Variants in ZYG11A observed in about 807,000 individuals in gnomAD.
ZYG11A encodes protein zyg-11 homolog A.
In ZYG11A, 62 loss-of-function variants were observed where a neutral mutation model predicts 77.2. That is an observed-to-expected ratio of 0.80 (90% CI 0.65 to 0.99). ZYG11A has a LOEUF of 0.99. ZYG11A is among the 50% of genes least tolerant of loss of function. The pLI is 0.00. For missense variants in ZYG11A, 828 were observed against 896.8 expected (o/e 0.92, Z 0.98); for synonymous variants, 315 against 324.6 (o/e 0.97, Z 0.32).
intron 11 of ZYG11A, among the ~76,000 whole-genome samples, chr1:52,884,271 C>T (rs1300604395): frequency 2.6e-5 from 4 of 151,854 alleles, no homozygotes; most frequent in Non-Finnish European, 2.9e-5. Flanking sequence ...CCGAGGCGGG[C>T]AGATCATGAG....
Position 52,871,818 on chromosome 1 carries a change from C to A in ZYG11A, c.1542+4041C>A, listed in dbSNP as rs184623959. 2.4e-3 allele frequency among the ~76,000 whole-genome samples: 362 copies of A among 152,252 alleles called. 1 individual carries two copies. In the Middle Eastern group the frequency reaches 0.048, roughly 20 times the overall value. On this transcript the variant is annotated intron_variant, in intron 8 of 13. Coordinates refer to ENST00000371528, the MANE Select transcript of ZYG11A (RefSeq NM_001004339.3). The stretch of plus-strand genomic sequence containing the variant: ...GCTTGCCTGTTTCTGAGGAAAAAAA[C>A]CCATTTTCTTTGGGATTGTATTATA...
chr1:52,887,899 A>G (rs894674953), intron 13 of ZYG11A, among the ~76,000 whole-genome samples: 4 of 152,076 alleles, frequency 2.6e-5, no homozygotes, highest in African/African-American at 9.7e-5. Context: ...CTTTGTTGAG[A>G]CTTGTTATAC....
intron 8 of ZYG11A, among the ~76,000 whole-genome samples, chr1:52,870,562 C>G (rs12718419): frequency 0.47 from 71,693 of 152,092 alleles, 18,305 homozygotes; most frequent in Non-Finnish European, 0.59. Context: ...GCACCCCAGC[C>G]TGGGCACCAT....
At chr1:52,863,343 CTGTT>C (rs1265281119) in intron 4 of ZYG11A, among the ~76,000 whole-genome samples, 1 of 152,198 alleles carries the variant, frequency 6.6e-6, no homozygotes, top group Non-Finnish European at 1.5e-5. Context: ...TTCTTCTCCT[CTGTT>C]GGTGGATTTA....
chr1:52,878,013 A>G, intron 10 of ZYG11A, 44 bp downstream of exon 10: 2 of 1,492,622 alleles, frequency 1.3e-6, no homozygotes, highest in Non-Finnish European at 1.8e-6. Flanking sequence ...CTTAAAAGCA[A>G]AACCTAACAC....
intron 1 of ZYG11A, among the ~76,000 whole-genome samples, chr1:52,846,293 C>A (rs905914537): frequency 1.6e-5 from 2 of 127,532 alleles, no homozygotes; most frequent in Non-Finnish European, 3.3e-5. Flanking sequence ...TTTTGGAAAT[C>A]ATGGCTTTTT....
At chr1:52,886,445 T>C (rs1646452428) in intron 12 of ZYG11A, among the ~76,000 whole-genome samples, 1 of 152,210 alleles carries the variant, frequency 6.6e-6, no homozygotes, top group South Asian at 2.1e-4. Context: ...CAGAATGCAA[T>C]TTCTTAAATA....
At chr1:52,867,386 C>G (rs1646045590) in intron 6 of ZYG11A, among the ~76,000 whole-genome samples, 153 bp from the exon 7 acceptor site, 2 of 152,328 alleles carry the variant, frequency 1.3e-5, no homozygotes, top group East Asian at 1.9e-4. Context: ...CTGGTCTTCT[C>G]TCTGCCAAAT....
At chr1:52,869,946 T>TGGCGG in intron 8 of ZYG11A, among the ~76,000 whole-genome samples, 1 of 142,530 alleles carries the variant, frequency 7.0e-6, no homozygotes, top group South Asian at 2.4e-4. Flanking sequence ...ACAGGGTGGC[T>TGGCGG]GGCCGGGCGG....
At position 52,867,570 on chromosome 1, in the gene ZYG11A, C is replaced by G; in HGVS notation, c.1423C>G (p.Leu475Val). The G allele has an allele frequency of 6.4e-7, 1 of 1,552,134 alleles. No individual in the cohort carries two copies. Among genetic ancestry groups the G allele is most frequent in the Non-Finnish European group, 8.7e-7 (1 of 1,146,984 alleles). ...FDAAKFVMRW[L>V]CKHENPKMQT... The stretch of plus-strand genomic sequence containing the variant: ...TGCTGCCAAGTTTGTCATGAGATGG[C>G]TCTGTAAGCATGAAAACCCCAAGAT... The change falls in exon 7 of 14, where the codon CTC becomes GTC. Residue 475 changes from leucine to valine, a missense_variant. Physicochemically the swap from Leu to Val is conservative, Grantham distance 32. Coordinates refer to ENST00000371528, the MANE Select transcript of ZYG11A (RefSeq NM_001004339.3).
Position 52,892,792 on chromosome 1 carries a change from C to G in ZYG11A, c.2115C>G (p.Tyr705Ter). The G allele has an allele frequency of 6.4e-7, 1 of 1,551,516 alleles. No individual in the cohort carries two copies. The highest frequency in any genetic ancestry group is 8.7e-7 in the Non-Finnish European group (1 of 1,146,962). Reference sequence around the variant, plus strand: ...TTGATTTTCTTTCAGCCAGCAAATACTGCAAAATGTTAGTTGAAGAAGAAG... The same window carrying G: ...TTGATTTTCTTTCAGCCAGCAAATAGTGCAAAATGTTAGTTGAAGAAGAAG... ...YHVCSKNPSK[Y>*]CKMLVEEEGL... The change falls in exon 14 of 14, where the codon TAC becomes TAG. Residue 705 changes from tyrosine (Y) to a stop codon, truncating the protein, a stop_gained. Coordinates refer to ENST00000371528, the MANE Select transcript of ZYG11A (RefSeq NM_001004339.3). LOFTEE classifies it low-confidence loss of function (END_TRUNC).
rs566540822 is a variant in ZYG11A at position 52,857,663 on chromosome 1, C to T, written c.922C>T (p.Arg308Ter). 28 of 1,552,030 alleles carry T rather than the reference C, an allele frequency of 1.8e-5. No individual in the cohort carries two copies. Among genetic ancestry groups the T allele is most frequent in the Admixed American group, 5.9e-5 (3 of 50,970 alleles). The part of the protein sequence containing the change: ...ITDEAVELFI[R>*]LRPAMQFVGL... The stretch of plus-strand genomic sequence containing the variant: ...TGATGAAGCTGTAGAACTGTTTATA[C>T]GACTGCGGCCTGCCATGCAATTTGT... Residue 308 changes from arginine (R) to a stop codon, truncating the protein, a stop_gained, in exon 3 of 14, where the codon CGA becomes TGA. Transcript: ENST00000371528. LOFTEE classifies it high-confidence loss of function.
chr1:52,865,190 C>T (rs1017128373), intron 5 of ZYG11A, among the ~76,000 whole-genome samples: 3 of 152,110 alleles, frequency 2.0e-5, no homozygotes, highest in African/African-American at 4.8e-5. Flanking sequence ...GATCCACTGC[C>T]TTGGCCTCCC....
At chr1:52,884,051 TA>T (rs1239186339) in intron 11 of ZYG11A, among the ~76,000 whole-genome samples, 1 of 151,874 alleles carries the variant, frequency 6.6e-6, no homozygotes, top group Non-Finnish European at 1.5e-5. Flanking sequence ...TTTTTGTATA[TA>T]TTTTTTTAGT....
At chr1:52,875,996 A>G (rs551589180) in intron 8 of ZYG11A, among the ~76,000 whole-genome samples, 1 of 145,710 alleles carries the variant, frequency 6.9e-6, no homozygotes, top group East Asian at 2.1e-4. Flanking sequence ...TTTGCTTTAG[A>G]TTGGAGCAGA....
chr1:52,893,828 T>TG lies in ZYG11A; in HGVS notation c.*871_*872insG, dbSNP rs1312973894. ...TTTACCTTTTTTTTTTTTTTTTTTTTTGTGACGGAATCTCGCTCTGTCGCC... is the reference window on the plus strand; with the variant it reads ...TTTACCTTTTTTTTTTTTTTTTTTTTGTGTGACGGAATCTCGCTCTGTCGCC... On this transcript the variant is annotated 3_prime_UTR_variant, in exon 14 of 14. Coordinates refer to ENST00000371528, the MANE Select transcript of ZYG11A (RefSeq NM_001004339.3). The TG allele has an allele frequency of 6.9e-6, 1 of 145,502 alleles. No homozygotes were observed. The highest frequency in any genetic ancestry group is 2.0e-4 in the East Asian group (1 of 5,006). 9.0% of individuals were successfully genotyped at this position (145,502 alleles called of 1,614,324 possible). A position where few individuals can be genotyped will look rare whatever the true frequency, so the allele number is the denominator to read the frequency against.
intron 1 of ZYG11A, among the ~76,000 whole-genome samples, chr1:52,843,617 A>T (rs1277831735): frequency 6.6e-6 from 1 of 151,998 alleles, no homozygotes; most frequent in East Asian, 1.9e-4. Flanking sequence ...AGCTCTGGAC[A>T]AAATGCAAAC....
At chr1:52,870,266 C>A (rs999691321) in intron 8 of ZYG11A, among the ~76,000 whole-genome samples, 2 of 145,486 alleles carry the variant, frequency 1.4e-5, no homozygotes, top group African/African-American at 5.0e-5. Context: ...CCAGACTGGG[C>A]AGCCAGGCAG....
intron 1 of ZYG11A, among the ~76,000 whole-genome samples, chr1:52,844,916 A>G (rs1379368296): frequency 2.4e-4 from 37 of 151,982 alleles, no homozygotes; most frequent in Admixed American, 2.4e-3. Flanking sequence ...TTTTCTACAC[A>G]GTCATATTAT....
Sources: gnomAD v4.1 joint callset for allele counts (sites outside exome capture counted in the v4.1 genomes callset) on GRCh38, gnomAD v4.1.1 for gene constraint, MANE v1.5 for transcripts, NCBI Gene and HGNC (gene_info 2026-07-23, HGNC 2026-07-21) for gene names.